Variants in ZNF585A observed in about 807,000 individuals in gnomAD.
ZNF585A encodes zinc finger protein 585A.
In ZNF585A, 9 loss-of-function variants were observed where a neutral mutation model predicts 14.9. That is an observed-to-expected ratio of 0.60 (90% CI 0.36 to 1.05). The LOEUF is 1.05. Ranked by LOEUF, ZNF585A falls within the 50% of genes least tolerant of loss-of-function variation. The probability of loss-of-function intolerance (pLI) is 0.01; values close to 1 mark genes in which losing one functional copy is unlikely to be tolerated. For missense variants in ZNF585A, 726 were observed against 926.4 expected (o/e 0.78, Z 2.81); for synonymous variants, 276 against 319.9 (o/e 0.86, Z 1.46).
chr19:37,159,091 A>G (rs1971973495), intron 2 of ZNF585A, among the ~76,000 whole-genome samples: 1 of 152,016 alleles, frequency 6.6e-6, no homozygotes, highest in Non-Finnish European at 1.5e-5. Flanking sequence ...CTACCAAAAA[A>G]TACAAAAATT....
chr19:37,152,559 A>C lies in ZNF585A; in HGVS notation c.1340T>G (p.Phe447Cys). 1 of 1,614,122 alleles carries C rather than the reference A, an allele frequency of 6.2e-7. No homozygotes were observed. The change falls in exon 5 of 5, where the codon TTT becomes TGT. Residue 447 changes from phenylalanine (F) to cysteine (C), a missense_variant. Phe to Cys is a radical substitution (Grantham distance 205). This residue lies in a region of ZNF585A where 483 missense variants were observed against 542.8 expected (regional missense o/e 0.89). Coordinates refer to ENST00000292841, the MANE Select transcript of ZNF585A (RefSeq NM_001288800.2). ...AACATGGAGTTGCGACTTGGAGGTA[A>C]ACAATTTCCCACAGTGACCACATTT... Reference protein sequence around the residue: ...PHKCGHCGKLFTSKSQLHVHK... With the variant: ...PHKCGHCGKLCTSKSQLHVHK...
At chr19:37,167,225 A>G (rs150368344) in intron 2 of ZNF585A, among the ~76,000 whole-genome samples, 1 of 152,300 alleles carries the variant, frequency 6.6e-6, no homozygotes, top group Non-Finnish European at 1.5e-5. Context: ...CCTGGGCTGA[A>G]GTGCAGTGGC....
rs773193616 is a variant in ZNF585A at position 37,156,326 on chromosome 19, G to C, written c.102C>G (p.Ile34Met). 1 of 1,614,112 alleles carries C rather than the reference G, an allele frequency of 6.2e-7. No individual in the cohort carries two copies. Among genetic ancestry groups the C allele is most frequent in the Non-Finnish European group, 8.5e-7 (1 of 1,180,024 alleles). The stretch of plus-strand genomic sequence containing the variant: ...GCCGCCATTCCTCTCTGCTGAAATC[G>C]ATAGCCACATCCCTGAAGGACACTG... ...EGSVSFRDVA[I>M]DFSREEWRHL... Residue 34 changes from isoleucine (I) to methionine (M), a missense_variant, in exon 3 of 5, where the codon ATC (isoleucine) becomes ATG (methionine). By Grantham distance (10) the Ile-to-Met change is conservative (BLOSUM62 1). Coordinates refer to ENST00000292841, the MANE Select transcript of ZNF585A (RefSeq NM_001288800.2).
At chr19:37,159,586 A>T (rs1971983901) in intron 2 of ZNF585A, among the ~76,000 whole-genome samples, 1 of 152,206 alleles carries the variant, frequency 6.6e-6, no homozygotes, top group Admixed American at 6.5e-5. Flanking sequence ...TGCAACAAAC[A>T]ACAGCAGAAT....
At position 37,147,323 on chromosome 19, in the gene ZNF585A, G is replaced by A. The variant is rs1371672208; in HGVS notation, c.*4266C>T. Reference sequence around the variant, plus strand: ...AGCAAGATGCACGGGCACTGGAGAAGCAGAGCACTCTCAGAACAGTCGGTG... The same window carrying A: ...AGCAAGATGCACGGGCACTGGAGAAACAGAGCACTCTCAGAACAGTCGGTG... On this transcript the variant is annotated 3_prime_UTR_variant, in exon 5 of 5. Coordinates refer to ENST00000292841, the MANE Select transcript of ZNF585A (RefSeq NM_001288800.2). The A allele has an allele frequency of 6.6e-6, 1 of 152,242 alleles. No homozygotes were observed. Among genetic ancestry groups the A allele is most frequent in the Non-Finnish European group, 1.5e-5 (1 of 68,056 alleles). The allele number at this position is 152,242 out of a possible 1,614,324, so 9.4% of individuals were successfully genotyped here.
rs1407146474 is a variant in ZNF585A at position 37,152,659 on chromosome 19, T to G, written c.1240A>C (p.Lys414Gln). The change falls in exon 5 of 5, where the codon AAA becomes CAA. Residue 414 changes from lysine (K) to glutamine (Q), a missense_variant. Transcript: ENST00000292841. ...HTGEKSYICM[K>Q]CGLAFIQKAH... is the part of the protein sequence containing the mutation. ...TTCTGAATGAAGGCCAGTCCACATT[T>G]CATGCATATATACGATTTTTCTCCT... 3 of 1,613,960 alleles carry G rather than the reference T, an allele frequency of 1.9e-6. No individual in the cohort carries two copies. The highest frequency in any genetic ancestry group is 2.5e-6 in the Non-Finnish European group (3 of 1,179,918).
At chr19:37,155,447 TA>T (rs1018199183) in intron 4 of ZNF585A, among the ~76,000 whole-genome samples, 2 of 151,896 alleles carry the variant, frequency 1.3e-5, no homozygotes, top group African/African-American at 4.8e-5. Context: ...GGTCAGGTGT[TA>T]GAGACCAGCC....
Position 37,151,999 on chromosome 19 carries a change from A to C in ZNF585A, c.1900T>G (p.Tyr634Asp). ...HQPVHTGEKP[Y>D]VCAECGKAFS... ...GCCTTCCCGCACTCGGCACACACAT[A>C]GGGTTTCTCTCCTGTGTGAACTGGC... The change falls in exon 5 of 5, where the codon TAT becomes GAT. Residue 634 changes from tyrosine to aspartate, a missense_variant. Transcript: ENST00000292841. The C allele has an allele frequency of 6.2e-7, 1 of 1,613,950 alleles. No individual in the cohort carries two copies. The highest frequency in any genetic ancestry group is 8.5e-7 in the Non-Finnish European group (1 of 1,179,982).
chr19:37,169,977 A>G lies in ZNF585A; in HGVS notation c.-67T>C, dbSNP rs560178322. On this transcript the variant is annotated 5_prime_UTR_variant, in exon 2 of 5. Coordinates refer to ENST00000292841, the MANE Select transcript of ZNF585A (RefSeq NM_001288800.2). ...AGCTTGGCAGTCATCTGTGAACTCA[A>G]GCAGAGCTGCTCTGAAGAGATGGGC... 7.7e-6 allele frequency: 12 copies of G among 1,562,970 alleles called. No homozygotes were observed. Among genetic ancestry groups the G allele is most frequent in the Admixed American group, 5.5e-5 (3 of 54,240 alleles).
rs1164610483 is a variant in ZNF585A at position 37,149,293 on chromosome 19, AT to A, written c.*2295del. 2 of 152,156 alleles carry A rather than the reference AT, an allele frequency of 1.3e-5. No individual in the cohort carries two copies. The highest frequency in any genetic ancestry group is 6.5e-5 in the Admixed American group (1 of 15,278). The allele number at this position is 152,156 out of a possible 1,614,324, so 9.4% of individuals were successfully genotyped here. On this transcript the variant is annotated 3_prime_UTR_variant, in exon 5 of 5. Coordinates refer to ENST00000292841, the MANE Select transcript of ZNF585A (RefSeq NM_001288800.2). Reference sequence around the variant, plus strand: ...GGGAAACCTCTGTAATTTCTACCCAATTTTGCTTTGAACCTAAAACTACTCT... The same window carrying A: ...GGGAAACCTCTGTAATTTCTACCCAATTTGCTTTGAACCTAAAACTACTCT...
chr19:37,167,933 C>T (rs1303994419), intron 2 of ZNF585A, among the ~76,000 whole-genome samples: 1 of 152,144 alleles, frequency 6.6e-6, no homozygotes, highest in Non-Finnish European at 1.5e-5. Context: ...CCAGACCTTA[C>T]TTTTTATTTC....
At chr19:37,156,970 G>A (rs1023499197) in intron 2 of ZNF585A, among the ~76,000 whole-genome samples, 2 of 152,150 alleles carry the variant, frequency 1.3e-5, no homozygotes, top group African/African-American at 4.8e-5. Flanking sequence ...GGGATTATGC[G>A]TGAGCCACCG....
chr19:37,161,876 CAG>C (rs1176710126), intron 2 of ZNF585A, among the ~76,000 whole-genome samples: 2 of 152,138 alleles, frequency 1.3e-5, no homozygotes, highest in Admixed American at 1.3e-4. Context: ...AAATTGGAGA[CAG>C]AAATGTATTA....
At position 37,146,485 on chromosome 19, in the gene ZNF585A, A is replaced by T. The variant is rs1310727686; in HGVS notation, c.*5104T>A. The T allele has an allele frequency of 1.3e-5, 2 of 152,222 alleles. No individual in the cohort carries two copies. The highest frequency in any genetic ancestry group is 2.9e-5 in the Non-Finnish European group (2 of 68,066). 9.4% of individuals were successfully genotyped at this position (152,222 alleles called of 1,614,324 possible). A position where few individuals can be genotyped will look rare whatever the true frequency, so the allele number is the denominator to read the frequency against. On this transcript the variant is annotated 3_prime_UTR_variant, in exon 5 of 5. Transcript: ENST00000292841. ...TGGCATTATGGGAAGTGTCCATGAC[A>T]ACCTTGGCTTTAAGCTGACTTTGGC...
At chr19:37,157,993 G>A (rs943353116) in intron 2 of ZNF585A, among the ~76,000 whole-genome samples, 15 of 150,820 alleles carry the variant, frequency 9.9e-5, no homozygotes, top group Non-Finnish European at 2.2e-4. Flanking sequence ...GATTCAAGCC[G>A]TTCTCTGCCT....
intron 2 of ZNF585A, among the ~76,000 whole-genome samples, chr19:37,166,049 C>T (rs1468790605): frequency 6.6e-6 from 1 of 152,026 alleles, no homozygotes. Context: ...AGTCTTGCTC[C>T]GTCGCCCAGG....
intron 4 of ZNF585A, among the ~76,000 whole-genome samples, chr19:37,154,794 T>TAAAA (rs532561001): frequency 1.9e-5 from 2 of 105,614 alleles, no homozygotes; most frequent in African/African-American, 6.5e-5. Context: ...CATCTCACAG[T>TAAAA]AAAAAAAAAA....
chr19:37,159,858 A>G (rs1432206507), intron 2 of ZNF585A, among the ~76,000 whole-genome samples: 1 of 152,228 alleles, frequency 6.6e-6, no homozygotes, highest in Non-Finnish European at 1.5e-5. Flanking sequence ...GTCAAACAAG[A>G]TATCGCCAAA....
chr19:37,150,806 G>A lies in ZNF585A; in HGVS notation c.*783C>T, dbSNP rs1254768866. On this transcript the variant is annotated 3_prime_UTR_variant, in exon 5 of 5. Transcript: ENST00000292841. ...CTATGACAGCAGAAGGGAGATTTAA[G>A]TTGTCCCAGATGACCATAAAATTCT... The A allele has an allele frequency of 6.5e-6, 1 of 154,252 alleles. No individual in the cohort carries two copies. The highest frequency in any genetic ancestry group is 2.4e-5 in the African/African-American group (1 of 41,348). The allele number at this position is 154,252 out of a possible 1,614,324, so 9.6% of individuals were successfully genotyped here.
Sources: allele counts gnomAD v4.1 joint callset (sites outside exome capture counted in the v4.1 genomes callset), GRCh38; gene constraint gnomAD v4.1.1; regional missense constraint gnomAD v4.1.1; transcripts MANE v1.5; gene names NCBI Gene and HGNC (gene_info 2026-07-23, HGNC 2026-07-21).